The following MYBBP1A variants were observed in gnomAD, a reference collection of about 807,000 sequenced individuals.
MYBBP1A encodes MYB binding protein 1a, also known as myb-binding protein 1A.
Under a neutral mutation model 136.3 loss-of-function variants are expected in MYBBP1A, and 147 were observed. The ratio of observed to expected loss-of-function variants is 1.08; its 90% CI spans 0.94 to 1.24. The LOEUF (loss-of-function observed/expected upper bound fraction) is 1.24, where lower values mean the gene tolerates loss of function less well. Ranked by LOEUF, MYBBP1A falls within the 50% of genes most tolerant of loss-of-function variation. MYBBP1A has a pLI of 0.00. For missense variants in MYBBP1A, 2,060 were observed against 1,727.4 expected (o/e 1.19, Z -3.41); for synonymous variants, 947 against 735.8 (o/e 1.29, Z -4.65).
chr17:4,549,960 G>C, intron 9 of MYBBP1A, 98 bp downstream of exon 9: 1 of 1,359,276 alleles, frequency 7.4e-7, no homozygotes, highest in Non-Finnish European at 1.0e-6. Context: ...TCATGGTTTA[G>C]AGCCAGGACG....
intron 5 of MYBBP1A, among the ~76,000 whole-genome samples, 155 bp downstream of exon 5, chr17:4,553,655 T>C (rs1228041469): frequency 1.3e-5 from 2 of 152,250 alleles, no homozygotes; most frequent in Non-Finnish European, 2.9e-5. Context: ...ATGACACCTG[T>C]TTCTTTTTAC....
chr17:4,539,806 G>C lies in MYBBP1A; in HGVS notation c.3596C>G (p.Ala1199Gly), dbSNP rs1433119612. The change falls in exon 26 of 26, where the codon GCC becomes GGC. Residue 1199 changes from alanine (A) to glycine (G), a missense_variant. Transcript: ENST00000254718. ...GCTGGGGGGCTGGCTCCCGCCGGTGGCTGCAGGTGTGCCATCCTCCGCTGG... is the reference window on the plus strand; with the variant it reads ...GCTGGGGGGCTGGCTCCCGCCGGTGCCTGCAGGTGTGCCATCCTCCGCTGG... Reference protein sequence around the residue: ...GTPAEDGTPAATGGSQPPSMG... With the variant: ...GTPAEDGTPAGTGGSQPPSMG... The C allele has an allele frequency of 1.2e-6, 2 of 1,611,972 alleles. No individual in the cohort carries two copies. Among genetic ancestry groups the C allele is most frequent in the African/African-American group, 2.7e-5 (2 of 75,042 alleles).
At chr17:4,555,070 G>A in intron 1 of MYBBP1A, 57 bp downstream of exon 1, 5 of 1,569,254 alleles carry the variant, frequency 3.2e-6, no homozygotes, top group East Asian at 2.3e-5. Flanking sequence ...CCCTGGGCCC[G>A]CCGCCGCTTC....
intron 2 of MYBBP1A, 117 bp from the exon 3 acceptor site, chr17:4,554,395 G>C: frequency 1.2e-6 from 1 of 804,438 alleles, no homozygotes; most frequent in Non-Finnish European, 2.0e-6. Flanking sequence ...CAGGTCCCTA[G>C]TCCCACCTTC....
At chr17:4,555,085 C>G in intron 1 of MYBBP1A, 42 bp downstream of exon 1, 1 of 1,563,748 alleles carries the variant, frequency 6.4e-7, no homozygotes, top group South Asian at 1.2e-5. Flanking sequence ...CGCTTCCTTG[C>G]CGGGATATGC....
intron 24 of MYBBP1A, among the ~76,000 whole-genome samples, chr17:4,540,866 T>A (rs1398778169): frequency 6.6e-6 from 1 of 150,468 alleles, no homozygotes; most frequent in Non-Finnish European, 1.5e-5. Context: ...ATTGTTGGAA[T>A]CCGCCAGCTT....
At chr17:4,543,546 G>A (rs1597379737) in intron 19 of MYBBP1A, among the ~76,000 whole-genome samples, 1 of 152,078 alleles carries the variant, frequency 6.6e-6, no homozygotes, top group African/African-American at 2.4e-5. Flanking sequence ...GCAGGGCCGG[G>A]GATATAATGG....
rs1355546355 is a variant in MYBBP1A at position 4,549,515 on chromosome 17, A to G, written c.1320-73T>C. ...AAACAGGCTGGGCCCAGTGGCTCAC[A>G]CCTGTAATCCCAGCACTTTGGGAGG... On this transcript the variant is annotated intron_variant, in intron 9 of 25. Transcript: ENST00000254718. 3 of 1,363,008 alleles carry G rather than the reference A, an allele frequency of 2.2e-6. No homozygotes were observed. In the African/African-American group the frequency reaches 4.3e-5, roughly 20 times the overall value. 84.4% of individuals were successfully genotyped at this position (1,363,008 alleles called of 1,614,324 possible).
intron 8 of MYBBP1A, 91 bp downstream of exon 8, chr17:4,551,789 A>G (rs1907525886): frequency 7.0e-6 from 8 of 1,142,068 alleles, no homozygotes; most frequent in Non-Finnish European, 1.0e-5. Context: ...AGCTCTAGCC[A>G]AGCCCCCGAG....
chr17:4,539,683 C>T lies in MYBBP1A; in HGVS notation c.3719G>A (p.Arg1240Gln), dbSNP rs532622202. 128 of 1,605,674 alleles carry T rather than the reference C, an allele frequency of 8.0e-5. No individual in the cohort carries two copies. Among genetic ancestry groups the T allele is most frequent in the Admixed American group, 1.7e-4 (10 of 59,202 alleles). Residue 1240 changes from arginine to glutamine, a missense_variant, in exon 26 of 26, where the codon CGG becomes CAG. Physicochemically the swap from Arg to Gln is conservative, Grantham distance 43. Transcript: ENST00000254718. ...TKSPAPGAPT[R>Q]SPSTPAKSPK... ...GGATTTGGCAGGGGTGCTGGGGCTC[C>T]GGGTGGGGGCGCCAGGGGCTGGACT...
In MYBBP1A at chr17:4,548,385, G is replaced by A. The variant is rs745832617; in HGVS notation, c.1557-75C>T. 10 of 1,601,766 alleles carry A rather than the reference G, an allele frequency of 6.2e-6. No individual in the cohort carries two copies. The African/African-American group carries it at 8.0e-5, about 13-fold the overall frequency. Reference sequence around the variant, plus strand: ...GCCGCCTCCCTCCGCCCTCCCCAGGGCTCGGTCTCCCGCCTCTCCAGGACC... The same window carrying A: ...GCCGCCTCCCTCCGCCCTCCCCAGGACTCGGTCTCCCGCCTCTCCAGGACC... On this transcript the variant is annotated intron_variant, in intron 11 of 25. Transcript: ENST00000254718. This position sits in a 1 kb window ranked among gnomAD's most constrained non-coding sequence, Gnocchi z 4.2.
rs149092091 is a variant in MYBBP1A, at chr17:4,550,318, G to A, written c.1059C>T (p.Asp353=). ...CCTCTAGGAAGGTGCCCACGTAATC[G>A]TCCATCTCTGGGGCAAACTTGAACT... The part of the protein sequence containing the change: ...PKQFKFAPEM[D]DYVGTFLEGC... Residue 353 remains aspartate (D), a synonymous_variant, in exon 9 of 26, where the codon GAC becomes GAT. Transcript: ENST00000254718. The A allele has an allele frequency of 1.9e-5, 31 of 1,612,958 alleles. No individual in the cohort carries two copies. The highest frequency in any genetic ancestry group is 2.3e-5 in the Non-Finnish European group (27 of 1,179,846).
chr17:4,554,148 A>G (rs1907801641), intron 3 of MYBBP1A, 47 bp downstream of exon 3: 1 of 1,613,036 alleles, frequency 6.2e-7, no homozygotes, highest in South Asian at 1.1e-5. Flanking sequence ...CCCATTCCCC[A>G]AGCCTCCCAC....
intron 24 of MYBBP1A, among the ~76,000 whole-genome samples, chr17:4,541,187 G>A (rs1006833386): frequency 5.9e-5 from 9 of 152,242 alleles, no homozygotes; most frequent in South Asian, 2.1e-4. Context: ...GCCCCTTCTC[G>A]GCTTTCTCAC....
chr17:4,546,010 G>T, intron 13 of MYBBP1A, 68 bp from the exon 14 acceptor site: 1 of 1,469,216 alleles, frequency 6.8e-7, no homozygotes, highest in Non-Finnish European at 9.4e-7. Context: ...CAGGCAAGGG[G>T]CTGGCCAAAT....
At chr17:4,553,766 G>A in intron 5 of MYBBP1A, 44 bp downstream of exon 5, 1 of 1,495,862 alleles carries the variant, frequency 6.7e-7, no homozygotes, top group Non-Finnish European at 9.3e-7. Flanking sequence ...TGATGTCTCT[G>A]TAACAAAGTG....
rs1181098897 is a variant in MYBBP1A, at chr17:4,540,407, G to A, written c.3375C>T (p.Ser1125=). Residue 1125 remains serine, a synonymous_variant, in exon 25 of 26, where the codon TCC becomes TCT. Transcript: ENST00000254718. ...QQQSLQQGAH[S]TGSSRLHDLY... is the part of the protein sequence containing the mutation. ...GGTCGTGCAGGCGGCTGGAGCCGGT[G>A]GAGTGTGCCCCCTGCTGTAGGCTCT... is the stretch of plus-strand genomic sequence containing the variant. 9 of 1,610,788 alleles carry A rather than the reference G, an allele frequency of 5.6e-6. No homozygotes were observed. The highest frequency in any genetic ancestry group is 7.6e-6 in the Non-Finnish European group (9 of 1,179,782).
At chr17:4,553,193 T>C (rs1328222262) in intron 5 of MYBBP1A, among the ~76,000 whole-genome samples, 1 of 152,202 alleles carries the variant, frequency 6.6e-6, no homozygotes, top group Non-Finnish European at 1.5e-5. Flanking sequence ...CGAGGAGCCC[T>C]AGGTGGAGAG....
chr17:4,551,984 G>C lies in MYBBP1A; in HGVS notation c.919C>G (p.Arg307Gly). 1 of 1,609,374 alleles carries C rather than the reference G, an allele frequency of 6.2e-7. No homozygotes were observed. Among genetic ancestry groups the C allele is most frequent in the Non-Finnish European group, 8.5e-7 (1 of 1,176,664 alleles). The change falls in exon 8 of 26, where the codon CGC becomes GGC. Residue 307 changes from arginine (R) to glycine (G), a missense_variant. Transcript: ENST00000254718. Reference sequence around the variant, plus strand: ...AGGGGCAGGGCCGCGCCCAGCAGGCGGAAACACAGGTAGCTAAAGGGGGTG... The same window carrying C: ...AGGGGCAGGGCCGCGCCCAGCAGGCCGAAACACAGGTAGCTAAAGGGGGTG... ...QFWPASYLCF[R>G]LLGAALPLLT...
Sources: allele counts gnomAD v4.1 joint callset (sites outside exome capture counted in the v4.1 genomes callset), GRCh38; gene constraint gnomAD v4.1.1; non-coding constraint Gnocchi (gnomAD v3.1); transcripts MANE v1.5; gene names NCBI Gene and HGNC (gene_info 2026-07-23, HGNC 2026-07-21).